Variants in SLC1A1 observed in about 807,000 individuals in gnomAD.
The protein encoded by SLC1A1 is solute carrier family 1 member 1, also known as excitatory amino acid transporter 3.
In SLC1A1, 43 loss-of-function variants were observed where a neutral mutation model predicts 53.3. That is an observed-to-expected ratio of 0.81 (90% confidence interval 0.63 to 1.04). SLC1A1 has a LOEUF of 1.04. Among genes scored for constraint, SLC1A1 ranks in the 50% least tolerant of loss-of-function variants. The probability of loss-of-function intolerance (pLI) is 0.00; values close to 1 mark genes in which losing one functional copy is unlikely to be tolerated. For missense variants in SLC1A1, 748 were observed against 664.9 expected (o/e 1.12, Z -1.37); for synonymous variants, 307 against 243.2 (o/e 1.26, Z -2.44).
intron 2 of SLC1A1, among the ~76,000 whole-genome samples, chr9:4,560,660 G>A (rs191505690): frequency 1.3e-5 from 2 of 151,478 alleles, no homozygotes; most frequent in South Asian, 2.1e-4. Flanking sequence ...AAGGCAGAAA[G>A]GAAAACTATC....
At chr9:4,514,303 T>G (rs1051380586) in intron 1 of SLC1A1, among the ~76,000 whole-genome samples, 4 of 152,188 alleles carry the variant, frequency 2.6e-5, no homozygotes, top group African/African-American at 9.7e-5. Context: ...TTCTACTGAG[T>G]TCTCATCCCT....
chr9:4,511,440 CCTT>C (rs1820995187), intron 1 of SLC1A1, among the ~76,000 whole-genome samples: 1 of 152,102 alleles, frequency 6.6e-6, no homozygotes, highest in Non-Finnish European at 1.5e-5. Flanking sequence ...AAGGGCCCCA[CCTT>C]CTAACACCAT....
intron 1 of SLC1A1, among the ~76,000 whole-genome samples, chr9:4,496,773 T>C (rs1045059284): frequency 6.6e-6 from 1 of 152,092 alleles, no homozygotes; most frequent in African/African-American, 2.4e-5. Flanking sequence ...GGTGCGTGCC[T>C]GTGGCCCCAA....
At chr9:4,529,555 G>C (rs372848709) in intron 1 of SLC1A1, among the ~76,000 whole-genome samples, 24 of 152,282 alleles carry the variant, frequency 1.6e-4, no homozygotes, top group African/African-American at 5.5e-4. Flanking sequence ...ATAAGTGTTT[G>C]ATGTGTATTT....
intron 1 of SLC1A1, among the ~76,000 whole-genome samples, chr9:4,503,991 A>G (rs1370280379): frequency 6.6e-6 from 1 of 152,228 alleles, no homozygotes; most frequent in African/African-American, 2.4e-5. Flanking sequence ...AACTCCTGGA[A>G]TGGGGACCCC....
chr9:4,520,492 T>A (rs931456045), intron 1 of SLC1A1, among the ~76,000 whole-genome samples: 53 of 152,226 alleles, frequency 3.5e-4, no homozygotes, highest in African/African-American at 1.2e-3. Context: ...ACATTTCATA[T>A]AAATGGAATC....
At chr9:4,566,024 A>G in intron 4 of SLC1A1, 23 bp from the exon 5 acceptor site, 1 of 1,603,030 alleles carries the variant, frequency 6.2e-7, no homozygotes, top group Non-Finnish European at 8.5e-7. Context: ...CTAACATAAT[A>G]CTGCCTTTTA....
intron 1 of SLC1A1, among the ~76,000 whole-genome samples, chr9:4,530,140 G>C (rs951578264): frequency 2.0e-5 from 3 of 152,054 alleles, no homozygotes; most frequent in African/African-American, 7.2e-5. Flanking sequence ...GGAAGGAGGA[G>C]GTTTGTGGAG....
rs563304770 is a variant in SLC1A1, at chr9:4,556,404, T to G, written c.233-5045T>G. On this transcript the variant is annotated intron_variant, in intron 2 of 11. Transcript: ENST00000262352. This position sits in a 1 kb window ranked among gnomAD's most constrained non-coding sequence, Gnocchi z 4.1. ...TTTAAATACTCACTGTTGATTTCTG[T>G]GCAGATGCCATCACACCTGCTTAGT... Among the ~76,000 whole-genome samples the G allele has an allele frequency of 1.3e-5, 2 of 152,318 alleles. No homozygotes were observed. The highest frequency in any genetic ancestry group is 3.9e-4 in the East Asian group (2 of 5,182).
intron 10 of SLC1A1, among the ~76,000 whole-genome samples, chr9:4,577,316 C>A (rs183817994): frequency 5.3e-5 from 8 of 152,268 alleles, no homozygotes; most frequent in African/African-American, 1.9e-4. Flanking sequence ...CTAGTTACAG[C>A]ATACAGATTT....
chr9:4,499,872 G>A (rs768570465), intron 1 of SLC1A1, among the ~76,000 whole-genome samples: 4 of 152,220 alleles, frequency 2.6e-5, no homozygotes, highest in South Asian at 2.1e-4. Flanking sequence ...ATGAAAACAC[G>A]CTGTGTAGAA....
chr9:4,532,674 C>CA (rs1816519226), intron 1 of SLC1A1, among the ~76,000 whole-genome samples: 1 of 152,148 alleles, frequency 6.6e-6, no homozygotes, highest in Non-Finnish European at 1.5e-5. Context: ...CCCAACCCAG[C>CA]AAGTCAGGCC....
intron 2 of SLC1A1, among the ~76,000 whole-genome samples, chr9:4,558,234 T>C (rs977234729): frequency 6.6e-6 from 1 of 152,176 alleles, no homozygotes. Context: ...ACCACCCTTA[T>C]CCCCAACAAT....
At chr9:4,578,840 T>A (rs1027921921) in intron 10 of SLC1A1, among the ~76,000 whole-genome samples, 1 of 152,208 alleles carries the variant, frequency 6.6e-6, no homozygotes, top group Admixed American at 6.5e-5. Context: ...CAGCACTATG[T>A]TAGAGTGATA....
At chr9:4,560,751 C>G (rs1235515519) in intron 2 of SLC1A1, among the ~76,000 whole-genome samples, 2 of 150,758 alleles carry the variant, frequency 1.3e-5, no homozygotes, top group Non-Finnish European at 2.9e-5. Context: ...AATCCCAGCA[C>G]TTTGGGAGGC....
intron 1 of SLC1A1, among the ~76,000 whole-genome samples, chr9:4,518,234 CAAAAAAAAAA>C (rs34559140): frequency 3.3e-5 from 2 of 60,432 alleles, no homozygotes; most frequent in East Asian, 6.0e-4. Context: ...TATTCCACCT[CAAAAAAAAAA>C]AAAAAAAAAA....
chr9:4,499,194 A>C (rs1820551730), intron 1 of SLC1A1, among the ~76,000 whole-genome samples: 1 of 151,242 alleles, frequency 6.6e-6, no homozygotes, highest in South Asian at 2.1e-4. Context: ...ACAGGTGCCC[A>C]CCACCACACC....
chr9:4,520,405 AT>A (rs1239628538), intron 1 of SLC1A1, among the ~76,000 whole-genome samples: 3 of 152,184 alleles, frequency 2.0e-5, no homozygotes, highest in Non-Finnish European at 4.4e-5. Flanking sequence ...TTTTATTATT[AT>A]CTATTTTTCT....
intron 1 of SLC1A1, among the ~76,000 whole-genome samples, chr9:4,534,659 C>G (rs1586722689): frequency 6.7e-6 from 1 of 150,374 alleles, no homozygotes; most frequent in Non-Finnish European, 1.5e-5. Context: ...ACCATTCCTT[C>G]TGAAACTATT....
Sources: allele counts gnomAD v4.1 joint callset (sites outside exome capture counted in the v4.1 genomes callset), GRCh38; gene constraint gnomAD v4.1.1; non-coding constraint Gnocchi (gnomAD v3.1); transcripts MANE v1.5; gene names NCBI Gene and HGNC (gene_info 2026-07-23, HGNC 2026-07-21).